ITPR3: variants seen among roughly 807,000 people sequenced by gnomAD.
ITPR3 encodes the protein inositol 1,4,5-trisphosphate receptor type 3.
ITPR3 carries 173 observed loss-of-function variants against 293.2 expected under a neutral mutation model. That is an observed-to-expected ratio of 0.59 (90% confidence interval 0.52 to 0.67). The LOEUF (loss-of-function observed/expected upper bound fraction) is 0.67. ITPR3 is among the 30% of genes least tolerant of loss of function. The pLI is 0.00. For missense variants in ITPR3, 2,796 were observed against 3,592.1 expected (o/e 0.78, Z 5.66); for synonymous variants, 1,295 against 1,444.4 (o/e 0.90, Z 2.35).
intron 2 of ITPR3, among the ~76,000 whole-genome samples, chr6:33,645,894 A>G (rs765495970): frequency 5.9e-5 from 9 of 151,584 alleles, no homozygotes; most frequent in Admixed American, 1.3e-4. Context: ...CTGGAGTGCA[A>G]TGGCACGATC....
rs557993026 is a variant in ITPR3 at position 33,668,076 on chromosome 6, C to T, written c.1886+112C>T. 6.6e-6 allele frequency: 8 copies of T among 1,206,002 alleles called. No homozygotes were observed. The East Asian group carries it at 2.0e-4, about 30-fold the overall frequency. The allele number at this position is 1,206,002 out of a possible 1,614,324, so 74.7% of individuals were successfully genotyped here. ...CCTGCACCTGTTGGTAACTGCCACC[C>T]TGAATAGCACTGGGTGGCTCAGCAC... On this transcript the variant is annotated intron_variant, in intron 16 of 57. Coordinates refer to ENST00000605930, the MANE Select transcript of ITPR3 (RefSeq NM_002224.4).
Position 33,694,961 on chromosome 6 carries a change from T to C in ITPR3, c.7823T>C (p.Met2608Thr), listed in dbSNP as rs763501287. The C allele has an allele frequency of 2.5e-6, 4 of 1,614,170 alleles. No homozygotes were observed. The highest frequency in any genetic ancestry group is 4.5e-5 in the East Asian group (2 of 44,874). The part of the protein sequence containing the change: ...NLDWFPRMRA[M>T]SLVSNEGEGE... The stretch of plus-strand genomic sequence containing the variant: ...GACTGGTTCCCCCGGATGCGGGCCA[T>C]GTCCCTTGTCAGCAATGAGGGCGAG... Residue 2608 changes from methionine to threonine, a missense_variant, in exon 57 of 58, where the codon ATG becomes ACG. Around this residue, in one of 8 missense-constraint regions of ITPR3, gnomAD observed 568 missense variants for 796.1 expected, o/e 0.71. Transcript: ENST00000605930.
chr6:33,671,331 C>A, intron 21 of ITPR3, 25 bp downstream of exon 21: 1 of 1,575,930 alleles, frequency 6.3e-7, no homozygotes, highest in Non-Finnish European at 8.7e-7. Flanking sequence ...CGGCTCGGGC[C>A]ACCCTGGTGG....
At chr6:33,695,226 C>T (rs1283155129) in intron 57 of ITPR3, 141 bp downstream of exon 57, 2 of 875,744 alleles carry the variant, frequency 2.3e-6, no homozygotes, top group African/African-American at 1.7e-5. Flanking sequence ...GCCAAACCCA[C>T]TCTCCCCTGC....
chr6:33,669,680 TTG>T (rs779384540), intron 18 of ITPR3, among the ~76,000 whole-genome samples: 62 of 152,396 alleles, frequency 4.1e-4, no homozygotes, highest in Middle Eastern at 6.8e-3. Context: ...TTTTAAGCAC[TTG>T]TCCTGATCCT....
Position 33,671,216 on chromosome 6 carries a change from G to A in ITPR3, c.2638G>A (p.Glu880Lys), listed in dbSNP as rs764458886. ...LIYFGFYSFS[E>K]LLRLTRTLLG... ...CTACTTCGGCTTCTACAGCTTCAGC[G>A]AGCTGCTGCGGCTCACTCGCACACT... The change falls in exon 21 of 58, where the codon GAG becomes AAG. Residue 880 changes from glutamate to lysine, a missense_variant. This residue lies in a region of ITPR3 where 955 missense variants were observed against 1,180.8 expected (regional missense o/e 0.81). Coordinates refer to ENST00000605930, the MANE Select transcript of ITPR3 (RefSeq NM_002224.4). 5.0e-6 allele frequency: 8 copies of A among 1,613,640 alleles called. No homozygotes were observed. In the African/African-American group the frequency reaches 9.3e-5, roughly 19 times the overall value.
intron 22 of ITPR3, 65 bp from the exon 23 acceptor site, chr6:33,673,525 GA>G: frequency 6.3e-7 from 1 of 1,589,572 alleles, no homozygotes; most frequent in South Asian, 1.2e-5. Context: ...CATAAAGTAG[GA>G]AGGGCCTTCT....
At chr6:33,695,636 A>T in intron 57 of ITPR3, 76 bp from the exon 58 acceptor site, 2 of 1,435,588 alleles carry the variant, frequency 1.4e-6, no homozygotes, top group Non-Finnish European at 2.0e-6. Flanking sequence ...GACGGGTGCC[A>T]AGCTCTTCCA....
At chr6:33,644,370 G>A (rs937972286) in intron 2 of ITPR3, among the ~76,000 whole-genome samples, 9 of 150,942 alleles carry the variant, frequency 6.0e-5, no homozygotes, top group Admixed American at 3.3e-4. Context: ...CAATCCGCCC[G>A]TCTCGGCCTT....
Position 33,672,290 on chromosome 6 carries a change from C to A in ITPR3, c.2928+62C>A. ...TAGGGGGAGGGTAATGGGGCGGGTA[C>A]AGGGAGGCTGGGCAGGGCGAACCCC... On this transcript the variant is annotated intron_variant, in intron 22 of 57. Coordinates refer to ENST00000605930, the MANE Select transcript of ITPR3 (RefSeq NM_002224.4). The surrounding 1 kb of genome is among the most constrained non-coding windows in gnomAD (Gnocchi z 5.0). 1 of 1,437,768 alleles carries A rather than the reference C, an allele frequency of 7.0e-7. No individual in the cohort carries two copies. The highest frequency in any genetic ancestry group is 9.7e-7 in the Non-Finnish European group (1 of 1,028,688). The allele number at this position is 1,437,768 out of a possible 1,614,324, so 89.1% of individuals were successfully genotyped here. A position where few individuals can be genotyped will look rare whatever the true frequency, so the allele number is the denominator to read the frequency against.
Position 33,692,676 on chromosome 6 carries a change from C to G in ITPR3, c.7459-52C>G. ...GCCCCAACCTGAGTCCTATCTTGCC[C>G]CAGTGAATGTGGGGACCACCGGGCC... On this transcript the variant is annotated intron_variant, in intron 54 of 57. Coordinates refer to ENST00000605930, the MANE Select transcript of ITPR3 (RefSeq NM_002224.4). The surrounding 1 kb of genome is among the most constrained non-coding windows in gnomAD (Gnocchi z 4.2). 2 of 1,584,068 alleles carry G rather than the reference C, an allele frequency of 1.3e-6. No individual in the cohort carries two copies. The highest frequency in any genetic ancestry group is 1.7e-6 in the Non-Finnish European group (2 of 1,157,612).
chr6:33,684,093 T>C lies in ITPR3; in HGVS notation c.4862T>C (p.Leu1621Pro), dbSNP rs1217162248. 6 of 1,611,668 alleles carry C rather than the reference T, an allele frequency of 3.7e-6. No individual in the cohort carries two copies. The highest frequency in any genetic ancestry group is 5.1e-6 in the Non-Finnish European group (6 of 1,179,948). Reference sequence around the variant, plus strand: ...GAGCTGTCCGTGCTGGTGGATGTCCTGCACTGGCCTGAGCTGCTCTTCCTG... The same window carrying C: ...GAGCTGTCCGTGCTGGTGGATGTCCCGCACTGGCCTGAGCTGCTCTTCCTG... ...QAELSVLVDV[L>P]HWPELLFLEG... Residue 1621 changes from leucine (L) to proline (P), a missense_variant, in exon 36 of 58, where the codon CTG (leucine) becomes CCG (proline). By Grantham distance (98) the Leu-to-Pro change is moderately conservative. This residue lies in a region of ITPR3 where 704 missense variants were observed against 797.5 expected (regional missense o/e 0.88). Coordinates refer to ENST00000605930, the MANE Select transcript of ITPR3 (RefSeq NM_002224.4). This position sits in a 1 kb window ranked among gnomAD's most constrained non-coding sequence, Gnocchi z 4.2.
At chr6:33,629,239 C>G (rs1239508946) in intron 1 of ITPR3, among the ~76,000 whole-genome samples, 4 of 152,060 alleles carry the variant, frequency 2.6e-5, no homozygotes, top group Non-Finnish European at 4.4e-5. Flanking sequence ...TTTTTCACCT[C>G]TAAATATTTT....
Position 33,692,859 on chromosome 6 carries a change from G to A in ITPR3, c.7590G>A (p.Lys2530=). Residue 2530 remains lysine, a synonymous_variant, in exon 55 of 58, where the codon AAG becomes AAA. Transcript: ENST00000605930. The surrounding 1 kb of genome is among the most constrained non-coding windows in gnomAD (Gnocchi z 4.2). ...FADLRSEKQK[K]EEILKTTCFI... is the part of the protein sequence containing the mutation. ...ACCTGCGTAGTGAGAAGCAGAAGAA[G>A]GAGGAGATTCTTAAGACGACATGCT... 1 of 1,614,162 alleles carries A rather than the reference G, an allele frequency of 6.2e-7. No individual in the cohort carries two copies. Among genetic ancestry groups the A allele is most frequent in the Non-Finnish European group, 8.5e-7 (1 of 1,180,024 alleles).
chr6:33,657,498 C>G (rs1044909299), intron 3 of ITPR3, among the ~76,000 whole-genome samples: 1 of 151,598 alleles, frequency 6.6e-6, no homozygotes, highest in Non-Finnish European at 1.5e-5. Context: ...GGAAATGGCA[C>G]CAAGCAGCCC....
chr6:33,648,680 C>G (rs1274049681), intron 2 of ITPR3, among the ~76,000 whole-genome samples: 1 of 151,194 alleles, frequency 6.6e-6, no homozygotes, highest in East Asian at 2.0e-4. Context: ...CAGCCTGGAC[C>G]TCCAGGGCTC....
At chr6:33,628,228 C>T (rs1763593610) in intron 1 of ITPR3, among the ~76,000 whole-genome samples, 1 of 152,216 alleles carries the variant, frequency 6.6e-6, no homozygotes, top group Non-Finnish European at 1.5e-5. Flanking sequence ...GCTCTCTAGA[C>T]TTCACCCCAT....
rs1321077654 is a variant in ITPR3, at chr6:33,675,179, T to C, written c.3117-512T>C. ...GCTCATGCTTGTAATCCCAGCACTT[T>C]GGGAGGCCGAGGTGGGCAGATCACT... On this transcript the variant is annotated intron_variant, in intron 24 of 57. Transcript: ENST00000605930. The surrounding 1 kb of genome is among the most constrained non-coding windows in gnomAD (Gnocchi z 5.0). 6.6e-6 allele frequency among the ~76,000 whole-genome samples: 1 copy of C among 152,148 alleles called. No homozygotes were observed. Among genetic ancestry groups the C allele is most frequent in the Non-Finnish European group, 1.5e-5 (1 of 68,010 alleles).
Position 33,682,787 on chromosome 6 carries a change from G to A in ITPR3, c.4597+143G>A, listed in dbSNP as rs12212665. On this transcript the variant is annotated intron_variant, in intron 34 of 57. Coordinates refer to ENST00000605930, the MANE Select transcript of ITPR3 (RefSeq NM_002224.4). This position sits in a 1 kb window ranked among gnomAD's most constrained non-coding sequence, Gnocchi z 5.4. ...TGGTTGTCAGTAAGTTCTTCTTGGC[G>A]TCTGCCTCATCCTGGCAATTGAGAG... 8 of 1,110,894 alleles carry A rather than the reference G, an allele frequency of 7.2e-6. No individual in the cohort carries two copies. The highest frequency in any genetic ancestry group is 3.1e-5 in the East Asian group (1 of 32,374). 68.8% of individuals were successfully genotyped at this position (1,110,894 alleles called of 1,614,324 possible).
Sources: gnomAD v4.1 joint callset for allele counts (sites outside exome capture counted in the v4.1 genomes callset) on GRCh38, gnomAD v4.1.1 for gene constraint, gnomAD v4.1.1 regional missense constraint, Gnocchi (gnomAD v3.1) non-coding constraint, MANE v1.5 for transcripts, NCBI Gene and HGNC (gene_info 2026-07-23, HGNC 2026-07-21) for gene names.